Variants in MIR17HG observed in about 807,000 individuals in gnomAD.
The protein encoded by MIR17HG is miR-17-92a-1 cluster host gene, also known as MIR17 host gene (non-protein coding).
intron 3 of MIR17HG, chr13:91,353,914 TG>T (rs1875447905): frequency 6.6e-6 from 1 of 152,660 alleles, no homozygotes; most frequent in South Asian, 2.1e-4. Context: ...TGAAAACTTT[TG>T]AGATCTTCAT....
chr13:91,353,920 C>A (rs1232364740), intron 3 of MIR17HG: 1 of 152,418 alleles, frequency 6.6e-6, no homozygotes, highest in African/African-American at 2.4e-5. Context: ...CTTTTGAGAT[C>A]TTCATTTTAC....
chr13:91,354,411 A>G (rs1279105192), exon 4 of MIR17HG: 3 of 152,216 alleles, frequency 2.0e-5, no homozygotes, highest in Non-Finnish European at 1.5e-5. Context: ...TTATCCAGTA[A>G]TGTAAACACA....
intron 1 of MIR17HG, among the ~76,000 whole-genome samples, chr13:91,348,410 A>AAGCGGCGGC (rs1331616999): frequency 6.8e-6 from 1 of 146,730 alleles, no homozygotes; most frequent in Non-Finnish European, 1.5e-5. Flanking sequence ...CTCCAGAACA[A>AAGCGGCGGC]AGCGGCGGCG....
intron 1 of MIR17HG, among the ~76,000 whole-genome samples, chr13:91,348,925 G>C (rs865872920): frequency 6.7e-6 from 1 of 149,214 alleles, no homozygotes; most frequent in African/African-American, 2.4e-5. Context: ...GCCGGGCTCG[G>C]GGGGGCTGGG....
chr13:91,353,299 TA>T (rs1875420489), intron 3 of MIR17HG, among the ~76,000 whole-genome samples: 1 of 152,108 alleles, frequency 6.6e-6, no homozygotes, highest in Admixed American at 6.5e-5. Flanking sequence ...AACAAAGACT[TA>T]AATGGCTTTT....
chr13:91,348,923 CG>C (rs941324295), intron 1 of MIR17HG, among the ~76,000 whole-genome samples: 8 of 148,482 alleles, frequency 5.4e-5, no homozygotes, highest in Admixed American at 1.3e-4. Flanking sequence ...GGGCCGGGCT[CG>C]GGGGGGCTGG....
At chr13:91,348,692 G>T (rs1314497632) in intron 1 of MIR17HG, among the ~76,000 whole-genome samples, 3 of 150,710 alleles carry the variant, frequency 2.0e-5, no homozygotes, top group Non-Finnish European at 3.0e-5. Flanking sequence ...CAGCCGCGGC[G>T]TGGAGCCGCC....
rs1201158040 is a variant in MIR17HG at position 91,348,164 on chromosome 13, G to A, written n.140+205G>A. On this transcript the variant is annotated intron_variant and non_coding_transcript_variant, in intron 1 of 3. Transcript: ENST00000400282. The stretch of plus-strand genomic sequence containing the variant: ...CCTCGCTCGCCCGCGGGCCGGCGGA[G>A]GGGGGCAGGGCCGGGGCGGGAGGGT... Among the ~76,000 whole-genome samples the A allele has an allele frequency of 3.4e-4, 31 of 90,200 alleles. No individual in the cohort carries two copies. In the South Asian group the frequency reaches 0.013, roughly 38 times the overall value. 59.2% of individuals were successfully genotyped at this position (90,200 alleles called of 152,430 possible).
At chr13:91,352,327 G>A (rs2138694427) in intron 3 of MIR17HG, 1 of 152,228 alleles carries the variant, frequency 6.6e-6, no homozygotes, top group South Asian at 2.1e-4. Context: ...GTGTATTTGT[G>A]TAGAATAATG....
chr13:91,351,053 G>GT (rs1425780219), intron 3 of MIR17HG: 1 of 525,740 alleles, frequency 1.9e-6, no homozygotes, highest in Non-Finnish European at 4.0e-6. Context: ...TCTATCTGAT[G>GT]TGACAGCTTC....
intron 2 of MIR17HG, chr13:91,350,111 TTGAAG>T (rs1010308603): frequency 1.2e-5 from 2 of 161,468 alleles, no homozygotes; most frequent in African/African-American, 4.8e-5. Context: ...CTGATAACAC[TTGAAG>T]TGTAGTCTGA....
At chr13:91,349,121 A>AC (rs1875142619) in intron 1 of MIR17HG, among the ~76,000 whole-genome samples, 1 of 151,856 alleles carries the variant, frequency 6.6e-6, no homozygotes, top group African/African-American at 2.4e-5. Flanking sequence ...CCCTTGTGCG[A>AC]CATGTGCTGC....
intron 1 of MIR17HG, among the ~76,000 whole-genome samples, chr13:91,348,786 C>A (rs1323345028): frequency 1.3e-5 from 2 of 150,068 alleles, no homozygotes; most frequent in African/African-American, 2.4e-5. Flanking sequence ...CATGTTCCTG[C>A]GGGGCGGGCT....
At chr13:91,353,919 T>C (rs1875448129) in intron 3 of MIR17HG, 2 of 152,650 alleles carry the variant, frequency 1.3e-5, no homozygotes, top group Non-Finnish European at 2.9e-5. Context: ...ACTTTTGAGA[T>C]CTTCATTTTA....
intron 3 of MIR17HG, among the ~76,000 whole-genome samples, chr13:91,352,905 TC>T (rs1875392819): frequency 6.6e-6 from 1 of 151,930 alleles, no homozygotes; most frequent in South Asian, 2.1e-4. Context: ...GGTCAGGAGT[TC>T]GAGACCAACC....
intron 3 of MIR17HG, chr13:91,352,298 G>GT (rs1487471759): frequency 8.5e-5 from 13 of 152,244 alleles, no homozygotes; most frequent in Non-Finnish European, 1.8e-4. Flanking sequence ...TTCTTCATGT[G>GT]TTTTTGTCTC....
intron 3 of MIR17HG, among the ~76,000 whole-genome samples, chr13:91,353,663 A>G (rs942653325): frequency 6.6e-6 from 1 of 152,220 alleles, no homozygotes; most frequent in Admixed American, 6.5e-5. Context: ...AGAAAAAACA[A>G]CTTTGACCCT....
At position 91,352,910 on chromosome 13, in the gene MIR17HG, A is replaced by T. The variant is rs147589850; in HGVS notation, n.285-1023A>T. On this transcript the variant is annotated intron_variant and non_coding_transcript_variant, in intron 3 of 3. Transcript: ENST00000400282. ...GATTACCTGAGGTCAGGAGTTCGAG[A>T]CCAACCTGGCCGACATGGTGAAACG... is the stretch of plus-strand genomic sequence containing the variant. 7.6e-3 allele frequency among the ~76,000 whole-genome samples: 1,150 copies of T among 152,036 alleles called. 13 individuals are homozygous for T. Among genetic ancestry groups the T allele is most frequent in the African/African-American group, 0.026 (1,091 of 41,460 alleles).
chr13:91,351,353 C>T (rs1449906841), intron 3 of MIR17HG: 2 of 530,984 alleles, frequency 3.8e-6, no homozygotes, highest in East Asian at 1.1e-4. Context: ...TGCTGTGTTT[C>T]TGTATGGTAT....
Sources: gnomAD v4.1 joint callset for allele counts (sites outside exome capture counted in the v4.1 genomes callset) on GRCh38, gnomAD v4.1.1 for gene constraint, MANE v1.5 for transcripts, NCBI Gene and HGNC (gene_info 2026-07-23, HGNC 2026-07-21) for gene names.